The following PRDM10 variants were observed in gnomAD, a reference collection of about 807,000 sequenced individuals.
PRDM10 encodes the protein PR domain zinc finger protein 10.
In PRDM10, 65 loss-of-function variants were observed where a neutral mutation model predicts 133.1. That is an observed-to-expected ratio of 0.49 (90% CI 0.40 to 0.60). The LOEUF (loss-of-function observed/expected upper bound fraction) is 0.60, where lower values mean the gene tolerates loss of function less well. PRDM10 is among the 20% of genes least tolerant of loss of function. The probability of loss-of-function intolerance (pLI) is 0.00; values close to 1 mark genes in which losing one functional copy is unlikely to be tolerated. For missense variants in PRDM10, 1,137 were observed against 1,507.1 expected (o/e 0.75, Z 4.07); for synonymous variants, 582 against 580.4 (o/e 1.00, Z -0.04).
Position 129,915,644 on chromosome 11 carries a change from C to A in PRDM10, c.2526+16G>T. On this transcript the variant is annotated intron_variant, in intron 16 of 20. Coordinates refer to ENST00000360871, the MANE Select transcript of PRDM10 (RefSeq NM_199437.2). ...TGGCGGTTTTGACCTTAGCTTTAGT[C>A]AGAAACTCCCCCTACCTTGCTGCTG... 1 of 1,552,628 alleles carries A rather than the reference C, an allele frequency of 6.4e-7. No homozygotes were observed. Among genetic ancestry groups the A allele is most frequent in the South Asian group, 1.2e-5 (1 of 83,422 alleles).
chr11:130,001,325 T>C (rs1939360350), intron 1 of PRDM10, among the ~76,000 whole-genome samples: 1 of 152,184 alleles, frequency 6.6e-6, no homozygotes. Context: ...CTTCTTGCCT[T>C]ACAGCGATGG....
At chr11:129,926,244 A>C (rs979251667) in intron 11 of PRDM10, among the ~76,000 whole-genome samples, 15 of 152,206 alleles carry the variant, frequency 9.9e-5, no homozygotes, top group African/African-American at 3.4e-4. Context: ...ACCCATCGCC[A>C]CTACTGGAAA....
chr11:129,996,360 T>C (rs1939064540), intron 1 of PRDM10, among the ~76,000 whole-genome samples: 1 of 152,228 alleles, frequency 6.6e-6, no homozygotes, highest in Non-Finnish European at 1.5e-5. Context: ...CACCTGTTTT[T>C]GTGCAGCCTG....
intron 1 of PRDM10, among the ~76,000 whole-genome samples, chr11:129,994,886 C>G (rs1034343095): frequency 6.6e-6 from 1 of 152,138 alleles, no homozygotes; most frequent in East Asian, 1.9e-4. Flanking sequence ...ATCTCCTGAC[C>G]TCGTGATCCG....
chr11:129,942,033 T>C (rs1187299819), intron 7 of PRDM10, among the ~76,000 whole-genome samples: 1 of 152,134 alleles, frequency 6.6e-6, no homozygotes, highest in African/African-American at 2.4e-5. Flanking sequence ...GTAGCTGGGA[T>C]TACAGGCACC....
intron 6 of PRDM10, among the ~76,000 whole-genome samples, chr11:129,943,607 C>A (rs796253195): frequency 1.1e-4 from 16 of 152,264 alleles, no homozygotes; most frequent in African/African-American, 3.4e-4. Context: ...TGCCTGTAAT[C>A]CTAGCACTTT....
At position 129,967,128 on chromosome 11, in the gene PRDM10, T is replaced by C. The variant is rs1006986273; in HGVS notation, c.-118-6046A>G. Reference sequence around the variant, plus strand: ...TTGTGAAGCCGGGCGCGGTGGCTCATGCCTGTAATCCCAACACTTTGGGAG... The same window carrying C: ...TTGTGAAGCCGGGCGCGGTGGCTCACGCCTGTAATCCCAACACTTTGGGAG... On this transcript the variant is annotated intron_variant, in intron 1 of 20. Coordinates refer to ENST00000360871, the MANE Select transcript of PRDM10 (RefSeq NM_199437.2). Among the ~76,000 whole-genome samples the C allele has an allele frequency of 1.1e-4, 16 of 152,284 alleles. 1 individual carries two copies. In the East Asian group the frequency reaches 2.9e-3, roughly 28 times the overall value.
rs116349323 is a variant in PRDM10 at position 129,949,589 on chromosome 11, C to A, written c.295-2219G>T. On this transcript the variant is annotated intron_variant, in intron 4 of 20. Transcript: ENST00000360871. ...TCTTTGCAGTACTCACAGAAACATC[C>A]TTTTTCTGCTGTGCATCTTAATCGA... 8.0e-3 allele frequency among the ~76,000 whole-genome samples: 1,216 copies of A among 152,266 alleles called. 15 individuals carry two copies. The highest frequency in any genetic ancestry group is 0.028 in the African/African-American group (1,144 of 41,530).
intron 13 of PRDM10, among the ~76,000 whole-genome samples, chr11:129,919,165 G>A (rs1202869893): frequency 6.6e-6 from 1 of 152,162 alleles, no homozygotes; most frequent in African/African-American, 2.4e-5. Flanking sequence ...GAGGTCAGGA[G>A]TTTGAGACCA....
In PRDM10 at chr11:129,944,922, G is replaced by A; in HGVS notation, c.611C>T (p.Ala204Val). ...PIPNRPVLTR[A>V]RASLPLVLYI... ...GAGCACCAGGGGGAGGCTCGCCCTG[G>A]CCCGGGTGAGCACCGGCCGGTTGGG... The change falls in exon 6 of 21, where the codon GCC becomes GTC. Residue 204 changes from alanine to valine, a missense_variant. Coordinates refer to ENST00000360871, the MANE Select transcript of PRDM10 (RefSeq NM_199437.2). 2 of 1,613,932 alleles carry A rather than the reference G, an allele frequency of 1.2e-6. No individual in the cohort carries two copies. The highest frequency in any genetic ancestry group is 8.5e-7 in the Non-Finnish European group (1 of 1,179,994).
chr11:130,000,917 G>A (rs1939325862), intron 1 of PRDM10, among the ~76,000 whole-genome samples: 1 of 152,110 alleles, frequency 6.6e-6, no homozygotes, highest in South Asian at 2.1e-4. Flanking sequence ...AACCATCCTG[G>A]GCAAAATGAT....
At chr11:129,941,643 T>C (rs987196602) in intron 7 of PRDM10, among the ~76,000 whole-genome samples, 1 of 152,310 alleles carries the variant, frequency 6.6e-6, no homozygotes, top group South Asian at 2.1e-4. Flanking sequence ...ATCGTCTGAG[T>C]GCCCATACAG....
In PRDM10 at chr11:129,934,453, T is replaced by C. The variant is rs117852438; in HGVS notation, c.1157+648A>G. Among the ~76,000 whole-genome samples the C allele has an allele frequency of 1.3e-4, 20 of 152,258 alleles. No individual in the cohort carries two copies. In the East Asian group the frequency reaches 3.9e-3, roughly 29 times the overall value. ...CCACCCTCATTCCTCCCCCAAACTA[T>C]TGTGATAGATGCTAACAGGACTCCT... On this transcript the variant is annotated intron_variant, in intron 9 of 20. Transcript: ENST00000360871.
intron 1 of PRDM10, among the ~76,000 whole-genome samples, chr11:129,965,750 T>A (rs948289528): frequency 9.3e-5 from 14 of 149,982 alleles, no homozygotes; most frequent in East Asian, 5.8e-4. Context: ...AAAAAAAAAA[T>A]ATATATATAC....
intron 1 of PRDM10, among the ~76,000 whole-genome samples, chr11:129,975,417 C>T (rs1419040719): frequency 6.6e-6 from 1 of 151,008 alleles, no homozygotes; most frequent in East Asian, 1.9e-4. Context: ...AGGCGCGAAT[C>T]TCCATCTCAA....
intron 1 of PRDM10, among the ~76,000 whole-genome samples, chr11:129,971,469 C>T (rs371464811): frequency 1.3e-5 from 2 of 152,134 alleles, no homozygotes; most frequent in South Asian, 4.1e-4. Context: ...CCCACCAGAG[C>T]AGCTAGATAC....
intron 1 of PRDM10, among the ~76,000 whole-genome samples, chr11:129,975,096 T>G (rs1379880580): frequency 6.6e-6 from 1 of 152,098 alleles, no homozygotes; most frequent in Non-Finnish European, 1.5e-5. Flanking sequence ...GTGATGGTGA[T>G]GGGTGCACAA....
chr11:129,981,966 T>A (rs1938136422), intron 1 of PRDM10, among the ~76,000 whole-genome samples: 1 of 152,036 alleles, frequency 6.6e-6, no homozygotes, highest in Admixed American at 6.6e-5. Context: ...ATAAAAAAAT[T>A]ATAAAATATG....
Position 129,910,617 on chromosome 11 carries a change from G to A in PRDM10, c.3022C>T (p.Gln1008Ter), listed in dbSNP as rs759875110. 6.2e-7 allele frequency: 1 copy of A among 1,609,768 alleles called. No individual in the cohort carries two copies. The highest frequency in any genetic ancestry group is 1.1e-5 in the South Asian group (1 of 90,770). Residue 1008 changes from glutamine (Q) to a stop codon, truncating the protein, a stop_gained, in exon 19 of 21, where the codon CAG becomes TAG. Transcript: ENST00000360871. LOFTEE classifies it high-confidence loss of function. ...QPLSPSAQQA[Q>*]QGLSPSHIQG... ...ATGTGGGAGGGGCTGAGCCCCTGCTGAGCCTGCTGGGCTGAGGGACTCAAC... is the reference window on the plus strand; with the variant it reads ...ATGTGGGAGGGGCTGAGCCCCTGCTAAGCCTGCTGGGCTGAGGGACTCAAC...
Sources: allele counts gnomAD v4.1 joint callset (sites outside exome capture counted in the v4.1 genomes callset), GRCh38; gene constraint gnomAD v4.1.1; transcripts MANE v1.5; gene names NCBI Gene and HGNC (gene_info 2026-07-23, HGNC 2026-07-21).